PCDHGB5: variants seen among roughly 807,000 people sequenced by gnomAD.
PCDHGB5 encodes the protein protocadherin gamma-B5.
Under a neutral mutation model 62.9 loss-of-function variants are expected in PCDHGB5, and 48 were observed. The observed-to-expected ratio is 0.76, with a 90% CI of 0.61 to 0.97. The LOEUF is 0.97. Ranked by LOEUF, PCDHGB5 falls within the 50% of genes least tolerant of loss-of-function variation. The pLI, the probability that PCDHGB5 is intolerant of heterozygous loss-of-function variation, is 0.00. For synonymous variants in PCDHGB5, 474 were observed against 511.2 expected, an observed-to-expected ratio of 0.93 and a Z score of 0.98; for missense variants, 1,118 against 1,198.6, an observed-to-expected ratio of 0.93 and a Z score of 0.99.
At chr5:141,471,073 G>A (rs2099249169) in intron 1 of PCDHGB5, among the ~76,000 whole-genome samples, 2 of 143,298 alleles carry the variant, frequency 1.4e-5, no homozygotes, top group Non-Finnish European at 3.0e-5. Flanking sequence ...TTTTGAGACA[G>A]GGTCTCCCTC....
At chr5:141,497,733 T>G (rs2099779006) in intron 2 of PCDHGB5, among the ~76,000 whole-genome samples, 2 of 152,078 alleles carry the variant, frequency 1.3e-5, no homozygotes, top group Non-Finnish European at 2.9e-5. Context: ...AGAGATGGGT[T>G]TCGCCACGTT....
intron 1 of PCDHGB5, among the ~76,000 whole-genome samples, chr5:141,492,586 G>C (rs1451055991): frequency 6.6e-6 from 1 of 152,220 alleles, no homozygotes; most frequent in Admixed American, 6.5e-5. Context: ...GGGGCCAGGA[G>C]CGCTGGAGCG....
In PCDHGB5 at chr5:141,490,701, C is replaced by T; in HGVS notation, c.2398-4106C>T. On this transcript the variant is annotated intron_variant, in intron 1 of 3. Transcript: ENST00000617380. This position sits in a 1 kb window ranked among gnomAD's most constrained non-coding sequence, Gnocchi z 5.4. Reference sequence around the variant, plus strand: ...CAGATCCAGACACTGGGGATAATGCCCGCCTCACCTACTCCATTGTAGGAA... The same window carrying T: ...CAGATCCAGACACTGGGGATAATGCTCGCCTCACCTACTCCATTGTAGGAA... The T allele has an allele frequency of 6.2e-7, 1 of 1,614,184 alleles. No individual in the cohort carries two copies. The highest frequency in any genetic ancestry group is 8.5e-7 in the Non-Finnish European group (1 of 1,180,008).
intron 1 of PCDHGB5, chr5:141,409,960 C>G: frequency 6.2e-7 from 1 of 1,613,416 alleles, no homozygotes; most frequent in Non-Finnish European, 8.5e-7. Flanking sequence ...AGCCCGGCTA[C>G]CTAGTGACTA....
Position 141,477,917 on chromosome 5 carries a change from G to C in PCDHGB5, c.2398-16890G>C. 6.2e-7 allele frequency: 1 copy of C among 1,614,186 alleles called. No individual in the cohort carries two copies. The highest frequency in any genetic ancestry group is 2.2e-5 in the East Asian group (1 of 44,868). On this transcript the variant is annotated intron_variant, in intron 1 of 3. Transcript: ENST00000617380. The surrounding 1 kb of genome is among the most constrained non-coding windows in gnomAD (Gnocchi z 4.9). ...GGTGGTAGGCTGGGACGCGGATGCA[G>C]GGCACAATGCCTGGCTCTCCTACAG...
intron 1 of PCDHGB5, among the ~76,000 whole-genome samples, chr5:141,469,803 A>G (rs1326367314): frequency 6.6e-6 from 1 of 152,174 alleles, no homozygotes; most frequent in Non-Finnish European, 1.5e-5. Context: ...TTGCAAAAAC[A>G]TTGTAGATAG....
At chr5:141,405,002 C>G in intron 1 of PCDHGB5, 2 of 1,613,988 alleles carry the variant, frequency 1.2e-6, no homozygotes, top group Non-Finnish European at 1.7e-6. Context: ...CCCTGCAGAC[C>G]TGGAGGCCTC....
At chr5:141,468,487 G>A (rs945439990) in intron 1 of PCDHGB5, 6 of 152,110 alleles carry the variant, frequency 3.9e-5, no homozygotes, top group African/African-American at 1.4e-4. Context: ...TAGGTCTCAT[G>A]GAAGATTTTC....
In PCDHGB5 at chr5:141,399,197, T is replaced by G; in HGVS notation, c.1070T>G (p.Val357Gly). The G allele has an allele frequency of 6.2e-7, 1 of 1,613,926 alleles. No homozygotes were observed. Among genetic ancestry groups the G allele is most frequent in the Non-Finnish European group, 8.5e-7 (1 of 1,179,876 alleles). Residue 357 changes from valine to glycine, a missense_variant, in exon 1 of 4, where the codon GTG (valine) becomes GGG (glycine). By Grantham distance (109) the Val-to-Gly change is moderately radical. Coordinates refer to ENST00000617380, the MANE Select transcript of PCDHGB5 (RefSeq NM_018925.3). ...CTTGAAATGATTCTGGAAAACGCGGTGCCTGGAACACTAATTGCTTTGATC... is the reference window on the plus strand; with the variant it reads ...CTTGAAATGATTCTGGAAAACGCGGGGCCTGGAACACTAATTGCTTTGATC... ...SLLEMILENAVPGTLIALIKI... is the reference protein window; with the variant it reads ...SLLEMILENAGPGTLIALIKI...
chr5:141,474,260 A>G (rs1459875243), intron 1 of PCDHGB5, among the ~76,000 whole-genome samples: 1 of 152,170 alleles, frequency 6.6e-6, no homozygotes, highest in Non-Finnish European at 1.5e-5. Flanking sequence ...AGACTGATAA[A>G]CCAGTGTATC....
intron 3 of PCDHGB5, 59 bp from the exon 4 acceptor site, chr5:141,510,888 A>C (rs2099883233): frequency 6.2e-7 from 1 of 1,612,646 alleles, no homozygotes. Flanking sequence ...GGGATATAAG[A>C]CAGTGACTGT....
chr5:141,476,772 G>A lies in PCDHGB5; in HGVS notation c.2398-18035G>A. 1 of 1,613,650 alleles carries A rather than the reference G, an allele frequency of 6.2e-7. No homozygotes were observed. Among genetic ancestry groups the A allele is most frequent in the South Asian group, 1.1e-5 (1 of 91,086 alleles). ...CAGTTAGTGCTGACGGCGTTGGACG[G>A]AGGGACCCCAGCTCTCTCCGCCAGC... is the stretch of plus-strand genomic sequence containing the variant. On this transcript the variant is annotated intron_variant, in intron 1 of 3. Coordinates refer to ENST00000617380, the MANE Select transcript of PCDHGB5 (RefSeq NM_018925.3). The surrounding 1 kb of genome is among the most constrained non-coding windows in gnomAD (Gnocchi z 7.6).
At position 141,431,510 on chromosome 5, in the gene PCDHGB5, G is replaced by T; in HGVS notation, c.2397+30986G>T. On this transcript the variant is annotated intron_variant, in intron 1 of 3. Transcript: ENST00000617380. The surrounding 1 kb of genome is among the most constrained non-coding windows in gnomAD (Gnocchi z 4.8). ...TGCTCAGCCCGAGTACCGCGCGAGC[G>T]TTCCGGAGAATCTGGCCTTGGGCAC... 1 of 1,614,022 alleles carries T rather than the reference G, an allele frequency of 6.2e-7. No individual in the cohort carries two copies. Among genetic ancestry groups the T allele is most frequent in the Non-Finnish European group, 8.5e-7 (1 of 1,180,026 alleles).
chr5:141,505,558 C>A (rs945428797), intron 3 of PCDHGB5, 77 bp downstream of exon 3: 1 of 1,605,016 alleles, frequency 6.2e-7, no homozygotes, highest in African/African-American at 1.3e-5. Context: ...ACCATGCCCA[C>A]GGACTGGATG....
rs1246027327 is a variant in PCDHGB5, at chr5:141,491,976, C to A, written c.2398-2831C>A. On this transcript the variant is annotated intron_variant, in intron 1 of 3. Transcript: ENST00000617380. This position sits in a 1 kb window ranked among gnomAD's most constrained non-coding sequence, Gnocchi z 6.9. ...ACTCAAAAAAGGCCGGGGCCTCCTT[C>A]GAGCTTCCGGTGAATTTCGGGCGAT... 3 of 800,708 alleles carry A rather than the reference C, an allele frequency of 3.7e-6. No individual in the cohort carries two copies. The Admixed American group carries it at 1.1e-4, about 30-fold the overall frequency. 49.6% of individuals were successfully genotyped at this position (800,708 alleles called of 1,614,324 possible).
chr5:141,407,938 GC>G, intron 1 of PCDHGB5: 1 of 510,154 alleles, frequency 2.0e-6, no homozygotes, highest in Non-Finnish European at 3.3e-6. Context: ...GCCTCTGGGC[GC>G]CGCTGTCGGC....
intron 1 of PCDHGB5, among the ~76,000 whole-genome samples, chr5:141,471,869 G>A (rs1234106506): frequency 6.6e-6 from 1 of 152,172 alleles, no homozygotes; most frequent in Non-Finnish European, 1.5e-5. Flanking sequence ...AACTGTGGTT[G>A]CCTGAGGCTG....
chr5:141,469,677 T>C (rs1271778909), intron 1 of PCDHGB5, among the ~76,000 whole-genome samples: 1 of 152,246 alleles, frequency 6.6e-6, no homozygotes, highest in African/African-American at 2.4e-5. Context: ...TAAAACTACA[T>C]ATGCATTGGT....
chr5:141,422,228 T>C (rs1561800204), intron 1 of PCDHGB5: 1 of 1,565,566 alleles, frequency 6.4e-7, no homozygotes, highest in Non-Finnish European at 8.6e-7. Flanking sequence ...ACCACGACGA[T>C]GTTGATCACT....
Sources: allele counts gnomAD v4.1 joint callset (sites outside exome capture counted in the v4.1 genomes callset), GRCh38; gene constraint gnomAD v4.1.1; non-coding constraint Gnocchi (gnomAD v3.1); transcripts MANE v1.5; gene names NCBI Gene and HGNC (gene_info 2026-07-23, HGNC 2026-07-21).